Variants in BEND2 observed in about 807,000 individuals in gnomAD.
BEND2 encodes the protein BEN domain-containing protein 2.
BEND2 carries 19 observed loss-of-function variants against 43.8 expected under a neutral mutation model. That is an observed-to-expected ratio of 0.43 (90% confidence interval 0.30 to 0.64). The LOEUF is 0.64. BEND2 is among the 30% of genes least tolerant of loss of function. The pLI is 0.11. For missense variants in BEND2, 544 were observed against 574.0 expected, an observed-to-expected ratio of 0.95 and a Z score of 0.53; for synonymous variants, 226 against 210.1, an observed-to-expected ratio of 1.08 and a Z score of -0.66.
At position 18,190,090 on chromosome X, in the gene BEND2, C is replaced by T. The variant is rs140539786; in HGVS notation, c.1288+911G>A. ...CGAACATACAAAATGCTGGTAAGAA[C>T]GCAGAGAAACTGAATCACTCATACA... On this transcript the variant is annotated intron_variant, in intron 8 of 13. Transcript: ENST00000380033. Among the ~76,000 whole-genome samples, 423 of 108,380 alleles carry T rather than the reference C, an allele frequency of 3.9e-3. 4 individuals are homozygous for T. The highest frequency in any genetic ancestry group is 0.013 in the African/African-American group (383 of 29,864). The allele number at this position is 108,380 out of a possible 115,157, so 94.1% of individuals were successfully genotyped here.
In BEND2 at chrX:18,220,765, G is replaced by A. The variant is rs981329182; in HGVS notation, c.-15C>T. 1.2e-5 allele frequency: 15 copies of A among 1,204,715 alleles called. No homozygotes were observed. The highest frequency in any genetic ancestry group is 4.4e-5 in the Admixed American group (2 of 45,414). On this transcript the variant is annotated 5_prime_UTR_variant, in exon 1 of 14. Transcript: ENST00000380033. ...CTCTCTGACATCGTGAGATGGCGGG[G>A]TCTGGCTCTGAGGCCCGAGACCTGA...
chrX:18,180,755 G>T, intron 8 of BEND2, 105 bp from the exon 9 acceptor site: 2 of 565,429 alleles, frequency 3.5e-6, no homozygotes, highest in Non-Finnish European at 2.7e-6. Context: ...AAAAAGATTT[G>T]TTGCCAGCAG....
chrX:18,219,905 GAAAAC>G (rs199724689), intron 1 of BEND2, among the ~76,000 whole-genome samples: 2,164 of 108,770 alleles, frequency 0.02, 51 homozygotes, highest in African/African-American at 0.062. Context: ...GACTCTGTCT[GAAAAC>G]AAAACAAAAC....
At chrX:18,182,479 CA>C (rs1004196767) in intron 8 of BEND2, among the ~76,000 whole-genome samples, 8 of 109,361 alleles carry the variant, frequency 7.3e-5, no homozygotes, top group African/African-American at 2.3e-4. Context: ...AATATTAATC[CA>C]AAAAAAAGAA....
chrX:18,206,530 G>A (rs771838845), intron 4 of BEND2, among the ~76,000 whole-genome samples: 27 of 110,882 alleles, frequency 2.4e-4, no homozygotes, highest in African/African-American at 8.5e-4. Context: ...AGAACACGTA[G>A]AGGGGAAGGA....
intron 4 of BEND2, among the ~76,000 whole-genome samples, chrX:18,211,214 A>C (rs1004802260): frequency 2.3e-4 from 26 of 111,966 alleles, no homozygotes; most frequent in African/African-American, 7.8e-4. Context: ...ATTTTCTGTT[A>C]AGCCAAATTA....
intron 11 of BEND2, 152 bp downstream of exon 11, chrX:18,175,820 G>T: frequency 2.5e-6 from 1 of 395,857 alleles, no homozygotes; most frequent in Non-Finnish European, 4.1e-6. Context: ...TAAACATGCA[G>T]TGTGCTTTTG....
Position 18,216,560 on chromosome X carries a change from C to T in BEND2, c.199G>A (p.Gly67Ser), listed in dbSNP as rs754628980. The change falls in exon 2 of 14, where the codon GGC becomes AGC. Residue 67 changes from glycine (G) to serine (S), a missense_variant. By Grantham distance (56) the Gly-to-Ser change is moderately conservative (BLOSUM62 0). Around this residue, in one of 2 missense-constraint regions of BEND2, gnomAD observed 501 missense variants for 501.6 expected, o/e 1.00. Coordinates refer to ENST00000380033, the MANE Select transcript of BEND2 (RefSeq NM_153346.5). Reference protein sequence around the residue: ...DTATQPNFPGGNDGHHRPLQM... With the variant: ...DTATQPNFPGSNDGHHRPLQM... ...AGTGGACGGTGATGGCCATCATTGC[C>T]GCCTGGAAAATTTGGTTGTGTGGCT... is the stretch of plus-strand genomic sequence containing the variant. 11 of 1,206,895 alleles carry T rather than the reference C, an allele frequency of 9.1e-6. No individual in the cohort carries two copies. Among genetic ancestry groups the T allele is most frequent in the Admixed American group, 2.2e-5 (1 of 45,546 alleles).
At chrX:18,190,368 G>A (rs993388770) in intron 8 of BEND2, among the ~76,000 whole-genome samples, 1 of 111,535 alleles carries the variant, frequency 9.0e-6, no homozygotes, top group African/African-American at 3.3e-5. Flanking sequence ...TCCATACCAT[G>A]AAATAGTACT....
Position 18,170,754 on chromosome X carries a change from A to C in BEND2, c.2185+247T>G, listed in dbSNP as rs745736159. Among the ~76,000 whole-genome samples the C allele has an allele frequency of 2.7e-5, 3 of 112,244 alleles. No homozygotes were observed. The South Asian group carries it at 1.1e-3, about 42-fold the overall frequency. ...CCCTGGCAGTCCATAGCAGGGAGCC[A>C]CAGTCAATAACCCCTTTCCTGTTCT... On this transcript the variant is annotated intron_variant, in intron 13 of 13. Coordinates refer to ENST00000380033, the MANE Select transcript of BEND2 (RefSeq NM_153346.5).
chrX:18,203,210 AC>A (rs1925221322), intron 5 of BEND2, among the ~76,000 whole-genome samples: 2 of 110,822 alleles, frequency 1.8e-5, no homozygotes, highest in Non-Finnish European at 3.8e-5. Flanking sequence ...CTGTATCTTG[AC>A]TATGGTAGGA....
chrX:18,198,778 A>T (rs1313920222), intron 6 of BEND2, among the ~76,000 whole-genome samples: 1 of 109,881 alleles, frequency 9.1e-6, no homozygotes, highest in Non-Finnish European at 1.9e-5. Flanking sequence ...CACTATTCAC[A>T]ATAGCAAAGA....
chrX:18,183,402 A>G (rs1924461752), intron 8 of BEND2, among the ~76,000 whole-genome samples: 1 of 112,836 alleles, frequency 8.9e-6, no homozygotes, highest in African/African-American at 3.2e-5. Flanking sequence ...GTCTCCAAGG[A>G]AATTTTAAAA....
chrX:18,194,050 GA>G (rs1350153130), intron 7 of BEND2, among the ~76,000 whole-genome samples: 2 of 111,463 alleles, frequency 1.8e-5, no homozygotes, highest in Admixed American at 1.9e-4. Context: ...ATGGCTATAC[GA>G]AAACCTTCAA....
intron 8 of BEND2, among the ~76,000 whole-genome samples, chrX:18,183,655 C>T (rs778980545): frequency 1.8e-5 from 2 of 112,223 alleles, no homozygotes; most frequent in Non-Finnish European, 3.8e-5. Context: ...GGGGAGCCCA[C>T]TGCCCTGAAG....
At chrX:18,169,619 C>G (rs1018755549) in intron 13 of BEND2, among the ~76,000 whole-genome samples, 1 of 111,692 alleles carries the variant, frequency 9.0e-6, no homozygotes, top group Non-Finnish European at 1.9e-5. Context: ...TAAAGTGAAA[C>G]AGACTTTCTT....
intron 11 of BEND2, among the ~76,000 whole-genome samples, chrX:18,175,124 A>G (rs144283153): frequency 2.3e-3 from 260 of 111,746 alleles, no homozygotes; most frequent in Non-Finnish European, 2.8e-3. Flanking sequence ...TTAGGGTGCA[A>G]TTTTTGAAGG....
intron 3 of BEND2, among the ~76,000 whole-genome samples, chrX:18,213,498 T>C (rs1925574147): frequency 9.0e-6 from 1 of 111,710 alleles, no homozygotes; most frequent in African/African-American, 3.2e-5. Flanking sequence ...CATTCTATAG[T>C]GGAGATCCTA....
At position 18,177,683 on chromosome X, in the gene BEND2, C is replaced by T. The variant is rs1405298968; in HGVS notation, c.1516G>A (p.Ala506Thr). 8.3e-7 allele frequency: 1 copy of T among 1,210,758 alleles called. No individual in the cohort carries two copies. The change falls in exon 10 of 14, where the codon GCC becomes ACC. Residue 506 changes from alanine to threonine, a missense_variant. Physicochemically the swap from Ala to Thr is moderately conservative, Grantham distance 58. This residue lies in a region of BEND2 where 501 missense variants were observed against 501.6 expected (regional missense o/e 1.00). Transcript: ENST00000380033. ...AACAAAATACGAACCAAGTAGCAGG[C>T]TGCTTGCTTAGGTTTGGCCATATTT... is the stretch of plus-strand genomic sequence containing the variant. Reference protein sequence around the residue: ...VQNMAKPKQAACYLVRILFSK... With the variant: ...VQNMAKPKQATCYLVRILFSK...
Sources: gnomAD v4.1 joint callset for allele counts (sites outside exome capture counted in the v4.1 genomes callset) on GRCh38, gnomAD v4.1.1 for gene constraint, gnomAD v4.1.1 regional missense constraint, MANE v1.5 for transcripts, NCBI Gene and HGNC (gene_info 2026-07-23, HGNC 2026-07-21) for gene names.